The following CNTNAP2 variants were observed in gnomAD, a reference collection of about 807,000 sequenced individuals.
CNTNAP2 encodes the protein contactin associated protein 2.
Under a neutral mutation model 155.2 loss-of-function variants are expected in CNTNAP2, and 98 were observed. The ratio of observed to expected loss-of-function variants is 0.63; its 90% CI spans 0.54 to 0.75. The LOEUF is 0.75. Among genes scored for constraint, CNTNAP2 ranks in the 30% least tolerant of loss-of-function variants. The pLI, the probability that CNTNAP2 is intolerant of heterozygous loss-of-function variation, is 0.00. For synonymous variants in CNTNAP2, 651 were observed against 631.2 expected (o/e 1.03, Z -0.47); for missense variants, 1,727 against 1,688.1 (o/e 1.02, Z -0.40).
At chr7:146,261,077 T>G (rs1799912275) in intron 1 of CNTNAP2, among the ~76,000 whole-genome samples, 1 of 151,982 alleles carries the variant, frequency 6.6e-6, no homozygotes. Flanking sequence ...TAGTTTCCTC[T>G]GCACACTCTT....
At chr7:147,275,298 G>T (rs1804870473) in intron 8 of CNTNAP2, among the ~76,000 whole-genome samples, 1 of 151,838 alleles carries the variant, frequency 6.6e-6, no homozygotes, top group East Asian at 1.9e-4. Context: ...ATGAGCATGG[G>T]ATGTTTTTTT....
intron 1 of CNTNAP2, among the ~76,000 whole-genome samples, chr7:146,374,305 A>G (rs1795276513): frequency 6.6e-6 from 1 of 152,246 alleles, no homozygotes. Flanking sequence ...AGATTTTACC[A>G]GAAATTCACT....
At chr7:147,099,259 G>A (rs890361689) in intron 4 of CNTNAP2, among the ~76,000 whole-genome samples, 5 of 152,106 alleles carry the variant, frequency 3.3e-5, no homozygotes, top group African/African-American at 1.2e-4. Context: ...AAGCAGTTGG[G>A]GTGTGGACTC....
chr7:148,357,195 G>C (rs992747967), intron 21 of CNTNAP2, among the ~76,000 whole-genome samples: 2 of 152,138 alleles, frequency 1.3e-5, no homozygotes, highest in African/African-American at 2.4e-5. Context: ...TGTTGTGATA[G>C]TAAATGAGTC....
intron 1 of CNTNAP2, among the ~76,000 whole-genome samples, chr7:146,717,987 G>A (rs999547194): frequency 4.6e-5 from 7 of 152,066 alleles, no homozygotes; most frequent in Non-Finnish European, 7.4e-5. Flanking sequence ...ATTGTCAGAT[G>A]CTTCTTTTAC....
intron 1 of CNTNAP2, among the ~76,000 whole-genome samples, chr7:146,452,683 G>A (rs1176538427): frequency 2.0e-5 from 3 of 152,026 alleles, no homozygotes; most frequent in African/African-American, 4.8e-5. Context: ...CATGCATGTG[G>A]TTTAACATTT....
At chr7:147,976,804 A>G (rs1801433743) in intron 14 of CNTNAP2, among the ~76,000 whole-genome samples, 1 of 152,124 alleles carries the variant, frequency 6.6e-6, no homozygotes, top group Admixed American at 6.5e-5. Flanking sequence ...AAATCTTTAC[A>G]TCATTGAACT....
chr7:146,716,300 G>A (rs1191260203), intron 1 of CNTNAP2, among the ~76,000 whole-genome samples: 1 of 151,476 alleles, frequency 6.6e-6, no homozygotes, highest in African/African-American at 2.4e-5. Flanking sequence ...TGCTAATTGA[G>A]TGACCTTATA....
intron 18 of CNTNAP2, among the ~76,000 whole-genome samples, chr7:148,212,363 G>C (rs1161303942): frequency 6.6e-6 from 1 of 152,090 alleles, no homozygotes; most frequent in Non-Finnish European, 1.5e-5. Context: ...TGTCAACTTT[G>C]TGACCCTGAG....
intron 4 of CNTNAP2, among the ~76,000 whole-genome samples, chr7:147,095,978 A>G (rs889580205): frequency 6.6e-6 from 1 of 152,070 alleles, no homozygotes; most frequent in African/African-American, 2.4e-5. Context: ...TAGTAAATGC[A>G]CCTTTTTCTT....
At chr7:148,197,639 A>G (rs1795297500) in intron 18 of CNTNAP2, among the ~76,000 whole-genome samples, 1 of 152,226 alleles carries the variant, frequency 6.6e-6, no homozygotes, top group Non-Finnish European at 1.5e-5. Context: ...TTCTGATTAT[A>G]CCAATGACCC....
chr7:146,825,333 T>C (rs1158736246), intron 2 of CNTNAP2, among the ~76,000 whole-genome samples: 1 of 152,116 alleles, frequency 6.6e-6, no homozygotes, highest in African/African-American at 2.4e-5. Context: ...AGAGGGATTG[T>C]AAGAATGAAC....
intron 1 of CNTNAP2, among the ~76,000 whole-genome samples, chr7:146,528,264 T>C (rs1480286491): frequency 6.6e-6 from 1 of 151,712 alleles, no homozygotes; most frequent in Non-Finnish European, 1.5e-5. Context: ...GGTTGGAGAG[T>C]TTTGGCAAAA....
chr7:147,328,267 T>C (rs1351942708), intron 9 of CNTNAP2, among the ~76,000 whole-genome samples: 2 of 152,196 alleles, frequency 1.3e-5, no homozygotes, highest in African/African-American at 4.8e-5. Context: ...GAGCCTCTAA[T>C]TGCCTGTGAA....
intron 1 of CNTNAP2, among the ~76,000 whole-genome samples, chr7:146,483,324 T>TATATATATATATATATAC (rs1563101815): frequency 2.4e-5 from 2 of 83,790 alleles, no homozygotes; most frequent in East Asian, 5.6e-4. Flanking sequence ...TATATATATA[T>TATATATATATATATATAC]ATATACATAT....
At chr7:147,833,568 T>G (rs77792317) in intron 13 of CNTNAP2, among the ~76,000 whole-genome samples, 5,277 of 152,226 alleles carry the variant, frequency 0.035, 127 homozygotes, top group African/African-American at 0.065. Context: ...TACCGAGGGA[T>G]TAGACATTGC....
At chr7:147,464,055 G>A (rs1222365440) in intron 10 of CNTNAP2, among the ~76,000 whole-genome samples, 1 of 151,080 alleles carries the variant, frequency 6.6e-6, no homozygotes, top group Non-Finnish European at 1.5e-5. Context: ...ATACATATGT[G>A]TGTGCTTGTT....
chr7:147,412,524 T>C (rs1797122516), intron 10 of CNTNAP2, among the ~76,000 whole-genome samples: 1 of 152,190 alleles, frequency 6.6e-6, no homozygotes, highest in Non-Finnish European at 1.5e-5. Flanking sequence ...TTTCTTCTTC[T>C]AGACTTTGAG....
intron 19 of CNTNAP2, among the ~76,000 whole-genome samples, chr7:148,220,454 A>T (rs952672443): frequency 9.2e-5 from 14 of 152,246 alleles, no homozygotes; most frequent in African/African-American, 2.9e-4. Flanking sequence ...CTGAAAGTTC[A>T]ACTTTTAGTA....
Sources: gnomAD v4.1 joint callset for allele counts (sites outside exome capture counted in the v4.1 genomes callset) on GRCh38, gnomAD v4.1.1 for gene constraint, MANE v1.5 for transcripts, NCBI Gene and HGNC (gene_info 2026-07-23, HGNC 2026-07-21) for gene names.